The following SCARA5 variants were observed in gnomAD, a reference collection of about 807,000 sequenced individuals.
The protein encoded by SCARA5 is scavenger receptor class A, member 5 (putative).
SCARA5 carries 45 observed loss-of-function variants against 46.3 expected under a neutral mutation model. The ratio of observed to expected loss-of-function variants is 0.97; its 90% CI spans 0.76 to 1.24. The LOEUF (loss-of-function observed/expected upper bound fraction) is 1.24. Among genes scored for constraint, SCARA5 ranks in the 50% most tolerant of loss-of-function variants. The pLI is 0.00. For missense variants in SCARA5, 680 were observed against 689.0 expected, an observed-to-expected ratio of 0.99 and a Z score of 0.15; for synonymous variants, 333 against 306.5, an observed-to-expected ratio of 1.09 and a Z score of -0.90.
intron 3 of SCARA5, among the ~76,000 whole-genome samples, chr8:27,948,791 G>A (rs750336677): frequency 2.6e-5 from 4 of 152,242 alleles, no homozygotes; most frequent in Non-Finnish European, 2.9e-5. Flanking sequence ...GACTACAGAC[G>A]GGAATGGGCA....
intron 7 of SCARA5, among the ~76,000 whole-genome samples, chr8:27,899,342 G>A (rs1407975816): frequency 6.6e-6 from 1 of 152,148 alleles, no homozygotes; most frequent in African/African-American, 2.4e-5. Context: ...AGTGAGCAGG[G>A]GAAATGAATC....
Position 27,870,768 on chromosome 8 carries a change from G to A in SCARA5, c.*1166C>T, listed in dbSNP as rs1278941362. On this transcript the variant is annotated 3_prime_UTR_variant, in exon 9 of 9. Transcript: ENST00000354914. ...TACTCCCCACCCCCAGAGGTTATAG[G>A]GAATCTTCATTTCCTTCCCCCCTAA... The A allele has an allele frequency of 6.6e-6, 1 of 152,116 alleles. No homozygotes were observed. Among genetic ancestry groups the A allele is most frequent in the African/African-American group, 2.4e-5 (1 of 41,388 alleles). The allele number at this position is 152,116 out of a possible 1,614,324, so 9.4% of individuals were successfully genotyped here.
intron 3 of SCARA5, among the ~76,000 whole-genome samples, chr8:27,941,262 G>T (rs1432546464): frequency 1.3e-5 from 2 of 152,100 alleles, no homozygotes; most frequent in African/African-American, 4.8e-5. Context: ...GAATTGGTTG[G>T]GTCCTTAGAC....
chr8:27,985,142 C>T (rs935617521), intron 2 of SCARA5, among the ~76,000 whole-genome samples: 1 of 152,190 alleles, frequency 6.6e-6, no homozygotes, highest in Middle Eastern at 3.4e-3. Flanking sequence ...ATAAATGATA[C>T]ATGTAAATAA....
At chr8:27,960,565 A>C (rs2129924490) in intron 3 of SCARA5, among the ~76,000 whole-genome samples, 1 of 152,334 alleles carries the variant, frequency 6.6e-6, no homozygotes, top group South Asian at 2.1e-4. Flanking sequence ...TGGGGTAGGC[A>C]CCACGATCAA....
At chr8:27,973,842 T>A (rs766963866) in intron 2 of SCARA5, among the ~76,000 whole-genome samples, 12 of 152,200 alleles carry the variant, frequency 7.9e-5, no homozygotes, top group Non-Finnish European at 1.0e-4. Context: ...AAAAAATTCC[T>A]TGATTTCTTT....
chr8:27,985,195 G>A (rs1360900664), intron 2 of SCARA5, among the ~76,000 whole-genome samples: 4 of 152,026 alleles, frequency 2.6e-5, no homozygotes, highest in African/African-American at 9.7e-5. Flanking sequence ...CGGAAGAAAG[G>A]AAAAAAGAGT....
At chr8:27,960,689 G>A (rs1472420522) in intron 3 of SCARA5, among the ~76,000 whole-genome samples, 1 of 152,136 alleles carries the variant, frequency 6.6e-6, no homozygotes, top group African/African-American at 2.4e-5. Flanking sequence ...TGGCCTCAAA[G>A]TCCATATCCT....
intron 3 of SCARA5, among the ~76,000 whole-genome samples, chr8:27,951,528 C>T (rs1808127591): frequency 6.6e-6 from 1 of 152,232 alleles, no homozygotes; most frequent in Non-Finnish European, 1.5e-5. Context: ...AGGCCCCCTG[C>T]CCAAGGTCAC....
At chr8:27,900,519 C>T (rs1281681764) in intron 7 of SCARA5, among the ~76,000 whole-genome samples, 2 of 152,160 alleles carry the variant, frequency 1.3e-5, no homozygotes, top group African/African-American at 2.4e-5. Context: ...GTGCTCTAAG[C>T]CATGAATGAT....
At position 27,922,194 on chromosome 8, in the gene SCARA5, A is replaced by G. The variant is rs1405820526; in HGVS notation, c.293T>C (p.Val98Ala). 1 of 1,600,122 alleles carries G rather than the reference A, an allele frequency of 6.2e-7. No homozygotes were observed. The highest frequency in any genetic ancestry group is 1.7e-5 in the Admixed American group (1 of 58,356). The change falls in exon 4 of 9, where the codon GTG (valine) becomes GCG (alanine). Residue 98 changes from valine (V) to alanine (A), a missense_variant. By Grantham distance (64) the Val-to-Ala change is moderately conservative. Transcript: ENST00000354914. Reference protein sequence around the residue: ...PDDLKALTRNVNRLNESFRDL... With the variant: ...PDDLKALTRNANRLNESFRDL... ...CCGGAAGCTCTCATTCAGCCGGTTC[A>G]CATTGCGAGTCAGGGCCTTCAGGTC...
At chr8:27,988,958 T>A (rs1770941246) in intron 1 of SCARA5, among the ~76,000 whole-genome samples, 1 of 151,942 alleles carries the variant, frequency 6.6e-6, no homozygotes, top group Non-Finnish European at 1.5e-5. Flanking sequence ...TGCCTGTTGA[T>A]TGAGAGATCA....
chr8:27,948,402 A>T (rs1211881354), intron 3 of SCARA5, among the ~76,000 whole-genome samples: 1 of 152,254 alleles, frequency 6.6e-6, no homozygotes, highest in East Asian at 1.9e-4. Context: ...CTGAAGTCTC[A>T]GGACCTGGCT....
At chr8:27,956,388 A>G (rs1313819180) in intron 3 of SCARA5, among the ~76,000 whole-genome samples, 1 of 152,238 alleles carries the variant, frequency 6.6e-6, no homozygotes, top group Non-Finnish European at 1.5e-5. Context: ...ACGGACACCT[A>G]TGATTTCTTC....
At chr8:27,931,960 C>T (rs535215408) in intron 3 of SCARA5, among the ~76,000 whole-genome samples, 4 of 141,682 alleles carry the variant, frequency 2.8e-5, no homozygotes, top group Non-Finnish European at 4.7e-5. Context: ...GGCCAAAGAA[C>T]CGTGCATTTT....
chr8:27,983,308 C>T (rs1321138329), intron 2 of SCARA5, among the ~76,000 whole-genome samples: 2 of 152,218 alleles, frequency 1.3e-5, no homozygotes, highest in Non-Finnish European at 2.9e-5. Flanking sequence ...CAGGGGCACT[C>T]ACGCTTGCTG....
At chr8:27,988,407 G>T (rs980960979) in intron 1 of SCARA5, among the ~76,000 whole-genome samples, 2 of 152,216 alleles carry the variant, frequency 1.3e-5, no homozygotes, top group African/African-American at 4.8e-5. Flanking sequence ...AGAATCCTAT[G>T]CTCTTTGAAA....
intron 8 of SCARA5, among the ~76,000 whole-genome samples, chr8:27,874,857 G>A (rs1487293951): frequency 4.6e-5 from 7 of 152,006 alleles, no homozygotes; most frequent in Non-Finnish European, 1.0e-4. Context: ...ACTCCCTTCC[G>A]TGGCCTACCA....
chr8:27,896,819 C>T (rs879866262), intron 7 of SCARA5, among the ~76,000 whole-genome samples: 18 of 152,290 alleles, frequency 1.2e-4, no homozygotes, highest in Admixed American at 5.2e-4. Context: ...TGAGGCTGGG[C>T]GCAGTGGCTC....
Sources: gnomAD v4.1 joint callset for allele counts (sites outside exome capture counted in the v4.1 genomes callset) on GRCh38, gnomAD v4.1.1 for gene constraint, MANE v1.5 for transcripts, NCBI Gene and HGNC (gene_info 2026-07-23, HGNC 2026-07-21) for gene names.